TMEM38A: variants seen among roughly 807,000 people sequenced by gnomAD.
The protein encoded by TMEM38A is transmembrane protein 38A, also known as trimeric intracellular cation channel type A.
Under a neutral mutation model 28.6 loss-of-function variants are expected in TMEM38A, and 17 were observed. The ratio of observed to expected loss-of-function variants is 0.60; its 90% CI spans 0.41 to 0.89. The LOEUF (loss-of-function observed/expected upper bound fraction) is 0.89, where lower values mean the gene tolerates loss of function less well. Ranked by LOEUF, TMEM38A falls within the 40% of genes least tolerant of loss-of-function variation. The pLI, the probability that TMEM38A is intolerant of heterozygous loss-of-function variation, is 0.00. For missense variants in TMEM38A, 328 were observed against 393.1 expected (o/e 0.83, Z 1.40); for synonymous variants, 169 against 166.1 (o/e 1.02, Z -0.14).
rs1040264206 is a variant in TMEM38A, at chr19:16,661,874, C to G, written c.124+533C>G. ...CACCCTCCACTCCCCTCCCTTCCCC[C>G]ACGGTGCTGAATCTCCGAGCCCCCA... is the stretch of plus-strand genomic sequence containing the variant. On this transcript the variant is annotated intron_variant, in intron 1 of 5. Coordinates refer to ENST00000187762, the MANE Select transcript of TMEM38A (RefSeq NM_024074.4). This position sits in a 1 kb window ranked among gnomAD's most constrained non-coding sequence, Gnocchi z 6.5. 6.6e-6 allele frequency among the ~76,000 whole-genome samples: 1 copy of G among 152,206 alleles called. No individual in the cohort carries two copies. Among genetic ancestry groups the G allele is most frequent in the African/African-American group, 2.4e-5 (1 of 41,532 alleles).
chr19:16,671,784 C>T (rs536306546), intron 1 of TMEM38A, among the ~76,000 whole-genome samples: 5 of 152,344 alleles, frequency 3.3e-5, no homozygotes, highest in South Asian at 2.1e-4. Context: ...GGCATCTGCC[C>T]GTCAGAGCGT....
At chr19:16,684,681 T>G (rs1433292090) in intron 4 of TMEM38A, among the ~76,000 whole-genome samples, 1 of 152,162 alleles carries the variant, frequency 6.6e-6, no homozygotes, top group Admixed American at 6.6e-5. Context: ...CATGATTTGC[T>G]AGAAGGACTC....
intron 4 of TMEM38A, among the ~76,000 whole-genome samples, chr19:16,685,176 CAGG>C (rs1432085102): frequency 6.6e-6 from 1 of 151,842 alleles, no homozygotes; most frequent in Non-Finnish European, 1.5e-5. Flanking sequence ...TATTTGAGGT[CAGG>C]AGTTCAAAAC....
intron 3 of TMEM38A, among the ~76,000 whole-genome samples, chr19:16,681,652 T>C (rs897399008): frequency 6.6e-6 from 1 of 152,168 alleles, no homozygotes; most frequent in Non-Finnish European, 1.5e-5. Flanking sequence ...TCCTCAGTTA[T>C]TCCTTGCTAT....
chr19:16,681,039 C>T (rs1220304119), intron 3 of TMEM38A: 1 of 167,736 alleles, frequency 6.0e-6, no homozygotes, highest in African/African-American at 2.4e-5. Flanking sequence ...CAGGTGAGAA[C>T]CCCTTCTTCT....
chr19:16,661,933 T>C lies in TMEM38A; in HGVS notation c.124+592T>C, dbSNP rs1215439065. 6.6e-6 allele frequency among the ~76,000 whole-genome samples: 1 copy of C among 151,940 alleles called. No individual in the cohort carries two copies. Among genetic ancestry groups the C allele is most frequent in the Non-Finnish European group, 1.5e-5 (1 of 67,976 alleles). On this transcript the variant is annotated intron_variant, in intron 1 of 5. Transcript: ENST00000187762. The surrounding 1 kb of genome is among the most constrained non-coding windows in gnomAD (Gnocchi z 6.5). ...CTTCCAGCCCTGGCTCCAGATCCTT[T>C]CCACTTACGGAGCAGAACCGGCCCC...
intron 4 of TMEM38A, among the ~76,000 whole-genome samples, chr19:16,683,196 A>G (rs2086788669): frequency 1.3e-5 from 2 of 151,250 alleles, no homozygotes; most frequent in East Asian, 1.9e-4. Flanking sequence ...CTGGTCTGGA[A>G]CTCCTGACCT....
Position 16,680,493 on chromosome 19 carries a change from A to G in TMEM38A, c.378A>G (p.Arg126=), listed in dbSNP as rs2086777193. ...LIFVAMKEVV[R]VRKIAVGIHH... ...TCGTGGCCATGAAGGAGGTGGTGCG[A>G]GTCCGCAAGATCGCGGTGGGCATCC... The change falls in exon 3 of 6, where the codon CGA becomes CGG. Residue 126 remains arginine (R), a synonymous_variant. Coordinates refer to ENST00000187762, the MANE Select transcript of TMEM38A (RefSeq NM_024074.4). 6.2e-7 allele frequency: 1 copy of G among 1,614,194 alleles called. No individual in the cohort carries two copies. The highest frequency in any genetic ancestry group is 1.1e-5 in the South Asian group (1 of 91,082).
At chr19:16,686,207 G>C in intron 4 of TMEM38A, 81 bp from the exon 5 acceptor site, 1 of 983,378 alleles carries the variant, frequency 1.0e-6, no homozygotes, top group Non-Finnish European at 1.6e-6. Flanking sequence ...GCTGGTGCCA[G>C]GGCAGGGGGG....
chr19:16,668,686 A>G lies in TMEM38A; in HGVS notation c.124+7345A>G, dbSNP rs540566866. On this transcript the variant is annotated intron_variant, in intron 1 of 5. Transcript: ENST00000187762. ...CTACCTCCAGAGTTTTGCCTTTTCCAGAATGTCCTTTAGTTGGAATCATGC... is the reference window on the plus strand; with the variant it reads ...CTACCTCCAGAGTTTTGCCTTTTCCGGAATGTCCTTTAGTTGGAATCATGC... Among the ~76,000 whole-genome samples, 26 of 151,846 alleles carry G rather than the reference A, an allele frequency of 1.7e-4. No homozygotes were observed. In the South Asian group the frequency reaches 2.9e-3, roughly 17 times the overall value.
chr19:16,675,134 T>G (rs1267981983), intron 1 of TMEM38A, among the ~76,000 whole-genome samples: 2 of 152,124 alleles, frequency 1.3e-5, no homozygotes, highest in Non-Finnish European at 2.9e-5. Context: ...ACTAACATGG[T>G]CAAGTTCTAA....
chr19:16,670,506 G>A (rs569252659), intron 1 of TMEM38A, among the ~76,000 whole-genome samples: 7 of 152,132 alleles, frequency 4.6e-5, no homozygotes, highest in South Asian at 2.1e-4. Context: ...TTCCATTTCC[G>A]CACTGTTCCA....
At chr19:16,670,985 C>G (rs1308535393) in intron 1 of TMEM38A, among the ~76,000 whole-genome samples, 1 of 151,960 alleles carries the variant, frequency 6.6e-6, no homozygotes, top group African/African-American at 2.4e-5. Flanking sequence ...ACCCCTGGGA[C>G]CCAGGCAAAG....
Position 16,688,492 on chromosome 19 carries a change from A to C in TMEM38A, c.*121A>C. 1.3e-6 allele frequency: 1 copy of C among 785,432 alleles called. No homozygotes were observed. The highest frequency in any genetic ancestry group is 1.8e-6 in the Non-Finnish European group (1 of 545,562). The allele number at this position is 785,432 out of a possible 1,614,324, so 48.7% of individuals were successfully genotyped here. On this transcript the variant is annotated 3_prime_UTR_variant, in exon 6 of 6. Coordinates refer to ENST00000187762, the MANE Select transcript of TMEM38A (RefSeq NM_024074.4). ...ACTTCCCCATCTGCAAATCAGGGTC[A>C]TTGGCTCACCCTCCAGGGCTGATGT... is the stretch of plus-strand genomic sequence containing the variant.
chr19:16,661,276 C>G lies in TMEM38A; in HGVS notation c.59C>G (p.Pro20Arg), dbSNP rs755433807. Residue 20 changes from proline to arginine, a missense_variant, in exon 1 of 6, where the codon CCG becomes CGG. Coordinates refer to ENST00000187762, the MANE Select transcript of TMEM38A (RefSeq NM_024074.4). This position sits in a 1 kb window ranked among gnomAD's most constrained non-coding sequence, Gnocchi z 6.5. ...CTGGCGCTCAGCTTCTCGCGGGTGC[C>G]GCTCTTCCCCGTCTTCGACCTCAGT... Reference protein sequence around the residue: ...GELALSFSRVPLFPVFDLSYF... With the variant: ...GELALSFSRVRLFPVFDLSYF... The G allele has an allele frequency of 1.9e-6, 3 of 1,598,938 alleles. No homozygotes were observed. Among genetic ancestry groups the G allele is most frequent in the Non-Finnish European group, 2.6e-6 (3 of 1,173,460 alleles).
chr19:16,682,913 G>A (rs2086787703), intron 4 of TMEM38A, among the ~76,000 whole-genome samples: 1 of 152,146 alleles, frequency 6.6e-6, no homozygotes, highest in Non-Finnish European at 1.5e-5. Flanking sequence ...AAGTGGACAA[G>A]GCCAGGTGAC....
In TMEM38A at chr19:16,688,384, G is replaced by T. The variant is rs1319381191; in HGVS notation, c.*13G>T. On this transcript the variant is annotated 3_prime_UTR_variant, in exon 6 of 6. Coordinates refer to ENST00000187762, the MANE Select transcript of TMEM38A (RefSeq NM_024074.4). The stretch of plus-strand genomic sequence containing the variant: ...GAAGGCGGATTAGGGGGTGGCCCAA[G>T]GGGCACCGGGGAGAGGACCCGGACC... The T allele has an allele frequency of 6.5e-7, 1 of 1,544,332 alleles. No homozygotes were observed. Among genetic ancestry groups the T allele is most frequent in the Non-Finnish European group, 8.7e-7 (1 of 1,149,088 alleles).
At chr19:16,687,809 T>C (rs940161554) in intron 5 of TMEM38A, among the ~76,000 whole-genome samples, 3 of 152,136 alleles carry the variant, frequency 2.0e-5, no homozygotes, top group Non-Finnish European at 4.4e-5. Context: ...AACATATGAA[T>C]TTGGGAGGAC....
At chr19:16,686,549 C>T in intron 5 of TMEM38A, 144 bp downstream of exon 5, 1 of 654,682 alleles carries the variant, frequency 1.5e-6, no homozygotes, top group Non-Finnish European at 2.7e-6. Context: ...GCCAGTAGGT[C>T]ACTGGGAAGA....
Sources: allele counts gnomAD v4.1 joint callset (sites outside exome capture counted in the v4.1 genomes callset), GRCh38; gene constraint gnomAD v4.1.1; non-coding constraint Gnocchi (gnomAD v3.1); transcripts MANE v1.5; gene names NCBI Gene and HGNC (gene_info 2026-07-23, HGNC 2026-07-21).